Variants in IRAG2 observed in about 807,000 individuals in gnomAD.
IRAG2 encodes the protein inositol 1,4,5-triphosphate receptor associated 2.
Under a neutral mutation model 69.9 loss-of-function variants are expected in IRAG2, and 45 were observed. The ratio of observed to expected loss-of-function variants is 0.64; its 90% CI spans 0.51 to 0.83. The LOEUF (loss-of-function observed/expected upper bound fraction) is 0.83. Ranked by LOEUF, IRAG2 falls within the 40% of genes least tolerant of loss-of-function variation. IRAG2 has a pLI of 0.00. For synonymous variants in IRAG2, 193 were observed against 202.4 expected (o/e 0.95, Z 0.40); for missense variants, 520 against 587.0 (o/e 0.89, Z 1.18).
intron 1 of IRAG2, among the ~76,000 whole-genome samples, chr12:25,057,606 T>A (rs1395897602): frequency 6.6e-6 from 1 of 152,172 alleles, no homozygotes; most frequent in Non-Finnish European, 1.5e-5. Flanking sequence ...TCTCTCATAA[T>A]CCCTGCATTA....
intron 6 of IRAG2, among the ~76,000 whole-genome samples, chr12:25,074,548 T>C (rs922514986): frequency 3.9e-5 from 6 of 152,166 alleles, no homozygotes; most frequent in Non-Finnish European, 4.4e-5. Flanking sequence ...AGTTGATTCT[T>C]CCTTCTATCT....
chr12:25,007,521 C>A (rs1199053447), intron 2 of IRAG2, among the ~76,000 whole-genome samples: 1 of 152,042 alleles, frequency 6.6e-6, no homozygotes, highest in Non-Finnish European at 1.5e-5. Context: ...GTTAAAGAAA[C>A]CCATCCATTG....
chr12:25,009,179 G>A (rs1176353016), intron 2 of IRAG2, among the ~76,000 whole-genome samples: 3 of 152,000 alleles, frequency 2.0e-5, no homozygotes, highest in Non-Finnish European at 4.4e-5. Context: ...GGTGGCACAC[G>A]CCTGTAATCC....
rs149184674 is a variant in IRAG2 at position 25,088,532 on chromosome 12, T to C, written c.373+375T>C. ...TTAGCCTACCTCCATTGGGATGGAATAGTGGATAGAGTTCAGGCTTTGGAG... is the reference window on the plus strand; with the variant it reads ...TTAGCCTACCTCCATTGGGATGGAACAGTGGATAGAGTTCAGGCTTTGGAG... On this transcript the variant is annotated intron_variant, in intron 11 of 21. Coordinates refer to ENST00000556887, the MANE Select transcript of IRAG2 (RefSeq NM_001366544.2). Among the ~76,000 whole-genome samples, 685 of 152,334 alleles carry C rather than the reference T, an allele frequency of 4.5e-3. 2 individuals carry two copies. The highest frequency in any genetic ancestry group is 7.5e-3 in the Non-Finnish European group (512 of 68,034).
At chr12:25,060,086 C>G (rs1485458404) in intron 1 of IRAG2, among the ~76,000 whole-genome samples, 1 of 152,114 alleles carries the variant, frequency 6.6e-6, no homozygotes, top group Non-Finnish European at 1.5e-5. Context: ...TCTAGCAGAG[C>G]TCCTTATATC....
At chr12:25,064,028 C>T (rs933142551) in intron 4 of IRAG2, among the ~76,000 whole-genome samples, 3 of 152,124 alleles carry the variant, frequency 2.0e-5, no homozygotes, top group South Asian at 2.1e-4. Flanking sequence ...TGGCCAGGCA[C>T]GGGGGCTCAT....
intron 8 of IRAG2, among the ~76,000 whole-genome samples, chr12:25,025,604 G>C (rs1009155109): frequency 6.6e-6 from 1 of 152,192 alleles, no homozygotes; most frequent in Admixed American, 6.5e-5. Context: ...GTTTTAACAA[G>C]ACAACTCTGG....
At chr12:25,059,194 T>C (rs1430248290) in intron 1 of IRAG2, among the ~76,000 whole-genome samples, 1 of 152,210 alleles carries the variant, frequency 6.6e-6, no homozygotes, top group Non-Finnish European at 1.5e-5. Flanking sequence ...CCACTTCTTA[T>C]TGCTTTGGTT....
In IRAG2 at chr12:25,089,654, G is replaced by A. The variant is rs368811607; in HGVS notation, c.414G>A (p.Ser138=). 30 of 1,604,010 alleles carry A rather than the reference G, an allele frequency of 1.9e-5. No homozygotes were observed. Among genetic ancestry groups the A allele is most frequent in the African/African-American group, 9.4e-5 (7 of 74,696 alleles). Residue 138 remains serine, a synonymous_variant, in exon 12 of 22, where the codon TCG becomes TCA. Transcript: ENST00000556887. ...VSPLPVTTVK[S]VNLRQSENTS... ...CTCTTCCTGTAACCACTGTGAAATC[G>A]GTTAACCTTAGACAAAGTGAGAAGT...
rs1418410018 is a variant in IRAG2 at position 25,027,077 on chromosome 12, C to T, written c.1461+211C>T. On this transcript the variant is annotated intron_variant, in intron 9 of 38. Coordinates refer to the IRAG2 transcript ENST00000636465. ...CTTTACTGATATGTAATTCACATGC[C>T]TTAAATTTCATCAACTTAAAGTATA... Among the ~76,000 whole-genome samples the T allele has an allele frequency of 2.6e-5, 4 of 150,962 alleles. No individual in the cohort carries two copies. The East Asian group carries it at 7.7e-4, about 29-fold the overall frequency.
At chr12:25,001,714 G>A (rs891377612), upstream of IRAG2, among the ~76,000 whole-genome samples, 1 of 151,938 alleles carries the variant, frequency 6.6e-6, no homozygotes, top group African/African-American at 2.4e-5. Context: ...GGTTCTATAA[G>A]GGAGAAACGG....
intron 9 of IRAG2, 60 bp downstream of exon 9, chr12:25,079,823 G>A: frequency 9.5e-7 from 1 of 1,049,644 alleles, no homozygotes; most frequent in Non-Finnish European, 1.5e-6. Context: ...AAGTCTATAA[G>A]CTAGTGAAGT....
At chr12:25,075,599 T>C (rs150702072) in intron 6 of IRAG2, 264 of 151,846 alleles carry the variant, frequency 1.7e-3, no homozygotes, top group African/African-American at 5.9e-3. Context: ...CATGGGAGAA[T>C]CTGTTTCATT....
chr12:25,069,995 A>G (rs145068839), intron 6 of IRAG2, among the ~76,000 whole-genome samples: 71 of 152,268 alleles, frequency 4.7e-4, no homozygotes, highest in African/African-American at 1.7e-3. Flanking sequence ...ATGTGGTTGG[A>G]ATGCCTTCCA....
intron 4 of IRAG2, among the ~76,000 whole-genome samples, chr12:25,065,101 A>T (rs1945888765): frequency 7.1e-6 from 1 of 141,496 alleles, no homozygotes; most frequent in Non-Finnish European, 1.6e-5. Flanking sequence ...AAAAAAAAAA[A>T]GAGAGAGAGA....
At chr12:25,089,206 TA>T (rs1374834938) in intron 11 of IRAG2, among the ~76,000 whole-genome samples, 1 of 152,146 alleles carries the variant, frequency 6.6e-6, no homozygotes, top group African/African-American at 2.4e-5. Context: ...CCAGTATTAT[TA>T]TTACTACTAT....
chr12:25,103,805 T>A (rs1948884710), intron 17 of IRAG2, 32 bp from the exon 18 acceptor site: 3 of 1,502,188 alleles, frequency 2.0e-6, no homozygotes. Flanking sequence ...TATTGAGAGT[T>A]TTCTAAATGT....
chr12:25,005,529 C>T (rs1401004018), intron 2 of IRAG2, among the ~76,000 whole-genome samples: 4 of 152,110 alleles, frequency 2.6e-5, no homozygotes, highest in Admixed American at 6.6e-5. Flanking sequence ...TTGGTTATTT[C>T]GTTATAATTT....
chr12:25,038,406 G>C (rs1445478865), intron 16 of IRAG2, among the ~76,000 whole-genome samples: 1 of 152,138 alleles, frequency 6.6e-6, no homozygotes, highest in Non-Finnish European at 1.5e-5. Context: ...ACTTTGGGAG[G>C]CTAAGGTGGG....
Sources: gnomAD v4.1 joint callset for allele counts (sites outside exome capture counted in the v4.1 genomes callset) on GRCh38, gnomAD v4.1.1 for gene constraint, MANE v1.5 for transcripts, NCBI Gene and HGNC (gene_info 2026-07-23, HGNC 2026-07-21) for gene names.